Variants in CA1 observed in about 807,000 individuals in gnomAD.
CA1 encodes carbonic anhydrase 1.
A neutral mutation model predicts 28.8 loss-of-function variants in CA1; 27 were observed. The observed-to-expected ratio is 0.94, with a 90% CI of 0.69 to 1.29. CA1 has a LOEUF of 1.29. CA1 is among the 50% of genes most tolerant of loss of function. The pLI, the probability that CA1 is intolerant of heterozygous loss-of-function variation, is 0.00. For missense variants in CA1, 335 were observed against 310.5 expected, an observed-to-expected ratio of 1.08 and a Z score of -0.59; for synonymous variants, 121 against 108.8, an observed-to-expected ratio of 1.11 and a Z score of -0.70.
chr8:85,338,716 C>CT lies in CA1; in HGVS notation c.38-268dup, dbSNP rs56775953. ...TCTCTCTCTCTCTTTCTTTCTCTCT[C>CT]TTTTTTTTTTTTTTTTTGACAGAGT... is the stretch of plus-strand genomic sequence containing the variant. On this transcript the variant is annotated intron_variant, in intron 2 of 7. Coordinates refer to ENST00000523022, the MANE Select transcript of CA1 (RefSeq NM_001128831.4). Among the ~76,000 whole-genome samples the CT allele has an allele frequency of 1.5e-3, 166 of 114,314 alleles. 1 individual carries two copies. Among genetic ancestry groups the CT allele is most frequent in the East Asian group, 3.7e-3 (14 of 3,808 alleles). 75.0% of individuals were successfully genotyped at this position (114,314 alleles called of 152,430 possible).
At chr8:85,374,786 A>G (rs1467403003) in intron 1 of CA1, among the ~76,000 whole-genome samples, 1 of 152,204 alleles carries the variant, frequency 6.6e-6, no homozygotes. Flanking sequence ...CTGGCCCTGC[A>G]TATTTGTTTT....
Position 85,355,531 on chromosome 8 carries a change from C to T in CA1, c.-24-13872G>A, listed in dbSNP as rs542196662. On this transcript the variant is annotated intron_variant, in intron 1 of 7. Transcript: ENST00000523022. ...CCAAGCAGCTGGGACTACAGGTGCA[C>T]GCCACTATGTCTAGTTCCTTTTTTT... Among the ~76,000 whole-genome samples the T allele has an allele frequency of 1.1e-4, 17 of 149,800 alleles. No individual in the cohort carries two copies. The East Asian group carries it at 2.0e-3, about 17-fold the overall frequency.
In CA1 at chr8:85,337,541, T is replaced by C. The variant is rs562791591; in HGVS notation, c.236-478A>G. Among the ~76,000 whole-genome samples the C allele has an allele frequency of 3.3e-5, 5 of 152,264 alleles. No individual in the cohort carries two copies. The South Asian group carries it at 8.3e-4, about 25-fold the overall frequency. ...TCTTGACAGCTTTGTTGAGAATCCC[T>C]GGCCAGGGACCAAGAGAGAGTACCA... On this transcript the variant is annotated intron_variant, in intron 3 of 7. Transcript: ENST00000523022.
intron 1 of CA1, among the ~76,000 whole-genome samples, chr8:85,366,069 T>C (rs1396690124): frequency 3.3e-5 from 5 of 152,052 alleles, no homozygotes; most frequent in Non-Finnish European, 7.4e-5. Context: ...GCAGGCCAAC[T>C]CTAGCAGCCC....
At chr8:85,358,244 G>A (rs1298284929) in intron 1 of CA1, among the ~76,000 whole-genome samples, 2 of 152,090 alleles carry the variant, frequency 1.3e-5, no homozygotes, top group African/African-American at 2.4e-5. Flanking sequence ...GTGACACCTC[G>A]CTGCTGTGCT....
At chr8:85,356,831 T>C (rs1345521869) in intron 1 of CA1, among the ~76,000 whole-genome samples, 1 of 152,180 alleles carries the variant, frequency 6.6e-6, no homozygotes, top group Admixed American at 6.5e-5. Flanking sequence ...ATTCTTTGTG[T>C]ACTAGAGGAA....
chr8:85,337,005 C>T lies in CA1; in HGVS notation c.294G>A (p.Trp98Ter). 2 of 1,613,374 alleles carry T rather than the reference C, an allele frequency of 1.2e-6. No homozygotes were observed. Among genetic ancestry groups the T allele is most frequent in the Middle Eastern group, 1.7e-4 (1 of 6,052 alleles). The change falls in exon 4 of 8, where the codon TGG (tryptophan) becomes TGA (stop). Residue 98 changes from tryptophan to a stop codon, truncating the protein, a stop_gained. Transcript: ENST00000523022. LOFTEE classifies it high-confidence loss of function. Reference protein sequence around the residue: ...SYRLFQFHFHWGSTNEHGSEH... With the variant: ...SYRLFQFHFH ...CTGAACCATGCTCATTTGTACTGCC[C>T]CAGTGAAAATGGAACTGAAAGAGCC...
At chr8:85,353,160 T>C (rs1192803277) in intron 1 of CA1, among the ~76,000 whole-genome samples, 2 of 152,218 alleles carry the variant, frequency 1.3e-5, no homozygotes, top group Non-Finnish European at 2.9e-5. Flanking sequence ...AAGAAGAACA[T>C]GAGCCATTAA....
At chr8:85,353,044 G>A (rs1370955800) in intron 1 of CA1, among the ~76,000 whole-genome samples, 1 of 152,150 alleles carries the variant, frequency 6.6e-6, no homozygotes, top group Non-Finnish European at 1.5e-5. Context: ...GTCCCAGAGG[G>A]GAGAGTACAG....
chr8:85,344,081 G>GTATATATATATATA (rs56308220), intron 1 of CA1, among the ~76,000 whole-genome samples: 6 of 128,572 alleles, frequency 4.7e-5, no homozygotes, highest in East Asian at 2.3e-4. Flanking sequence ...TAAACTAAAA[G>GTATATATATATATA]TATATATATA....
chr8:85,358,659 G>A (rs1585953689), intron 1 of CA1, among the ~76,000 whole-genome samples: 1 of 152,162 alleles, frequency 6.6e-6, no homozygotes, highest in Non-Finnish European at 1.5e-5. Flanking sequence ...CCCTTTTGTA[G>A]TCTCCTCCCT....
intron 1 of CA1, among the ~76,000 whole-genome samples, chr8:85,359,466 T>C (rs1281843618): frequency 2.0e-5 from 3 of 152,130 alleles, no homozygotes; most frequent in African/African-American, 7.2e-5. Context: ...CTCTTAAAAA[T>C]AGAAAGACGT....
intron 1 of CA1, among the ~76,000 whole-genome samples, chr8:85,373,258 G>C (rs1032994299): frequency 6.6e-6 from 1 of 152,194 alleles, no homozygotes; most frequent in African/African-American, 2.4e-5. Context: ...AACATGTTTT[G>C]ATAACCACCA....
At chr8:85,346,645 C>CT (rs1809200130) in intron 1 of CA1, among the ~76,000 whole-genome samples, 1 of 152,082 alleles carries the variant, frequency 6.6e-6, no homozygotes, top group Non-Finnish European at 1.5e-5. Flanking sequence ...ACCTGTAATC[C>CT]TAGCTACTCG....
At chr8:85,329,917 A>C (rs1002286012) in intron 6 of CA1, 73 bp from the exon 7 acceptor site, 4 of 1,172,592 alleles carry the variant, frequency 3.4e-6, no homozygotes, top group Non-Finnish European at 5.0e-6. Context: ...TATATATGCT[A>C]TATTATCTTG....
intron 4 of CA1, among the ~76,000 whole-genome samples, chr8:85,334,986 T>C (rs1808588997): frequency 7.2e-6 from 1 of 139,330 alleles, no homozygotes; most frequent in Non-Finnish European, 1.5e-5. Context: ...CAAGACTCTT[T>C]CTCAAAAATA....
intron 1 of CA1, among the ~76,000 whole-genome samples, chr8:85,365,191 G>A (rs1213279990): frequency 6.6e-6 from 1 of 152,190 alleles, no homozygotes; most frequent in East Asian, 1.9e-4. Flanking sequence ...CTTGTGAGAC[G>A]ATATTACATT....
intron 1 of CA1, among the ~76,000 whole-genome samples, chr8:85,362,711 T>A (rs188032879): frequency 1.3e-5 from 2 of 152,234 alleles, no homozygotes; most frequent in East Asian, 3.9e-4. Context: ...TACGAATAGT[T>A]TCATTACTAA....
intron 7 of CA1, among the ~76,000 whole-genome samples, chr8:85,328,893 T>A (rs11987004): frequency 0.014 from 2,205 of 152,146 alleles, 52 homozygotes; most frequent in African/African-American, 0.05. Flanking sequence ...TTAAATCAAT[T>A]AAATAAAGCA....
Sources: allele counts gnomAD v4.1 joint callset (sites outside exome capture counted in the v4.1 genomes callset), GRCh38; gene constraint gnomAD v4.1.1; transcripts MANE v1.5; gene names NCBI Gene and HGNC (gene_info 2026-07-23, HGNC 2026-07-21).